Variants in KCNIP1 observed in about 807,000 individuals in gnomAD.
KCNIP1 encodes the protein potassium voltage-gated channel interacting protein 1.
In KCNIP1, 18 loss-of-function variants were observed where a neutral mutation model predicts 33.0. The ratio of observed to expected loss-of-function variants is 0.55; its 90% CI spans 0.38 to 0.81. The LOEUF (loss-of-function observed/expected upper bound fraction) is 0.81. KCNIP1 is among the 30% of genes least tolerant of loss of function. KCNIP1 has a pLI of 0.00. For synonymous variants in KCNIP1, 93 were observed against 98.3 expected (o/e 0.95, Z 0.32); for missense variants, 238 against 271.6 (o/e 0.88, Z 0.87).
intron 1 of KCNIP1, among the ~76,000 whole-genome samples, chr5:170,610,684 T>A (rs752364493): frequency 4.6e-5 from 7 of 152,214 alleles, no homozygotes; most frequent in Non-Finnish European, 8.8e-5. Flanking sequence ...ATTTTATGTA[T>A]TCCATGGAGT....
chr5:170,734,725 C>T (rs998480798), intron 7 of KCNIP1, among the ~76,000 whole-genome samples: 1 of 152,190 alleles, frequency 6.6e-6, no homozygotes, highest in Non-Finnish European at 1.5e-5. Context: ...GGGAGAAGTT[C>T]CTAGCAGATA....
chr5:170,460,008 T>C (rs756043625), intron 1 of KCNIP1, among the ~76,000 whole-genome samples: 1 of 152,106 alleles, frequency 6.6e-6, no homozygotes, highest in Non-Finnish European at 1.5e-5. Context: ...ATGGGAGACA[T>C]TGCAACTGAA....
intron 1 of KCNIP1, among the ~76,000 whole-genome samples, chr5:170,676,429 A>T (rs1431242203): frequency 2.0e-5 from 3 of 152,224 alleles, no homozygotes; most frequent in African/African-American, 7.2e-5. Context: ...ACCATCTTGC[A>T]GTTAAATAAT....
At chr5:170,439,896 C>T (rs1755949552) in intron 1 of KCNIP1, among the ~76,000 whole-genome samples, 1 of 152,202 alleles carries the variant, frequency 6.6e-6, no homozygotes, top group African/African-American at 2.4e-5. Context: ...TTCCTTCATA[C>T]AACCGGGGTA....
chr5:170,407,342 A>C (rs1242686680), intron 1 of KCNIP1, among the ~76,000 whole-genome samples: 1 of 152,242 alleles, frequency 6.6e-6, no homozygotes, highest in African/African-American at 2.4e-5. Flanking sequence ...GAATGGGAGA[A>C]ACATTTATAG....
In KCNIP1 at chr5:170,519,100, A is replaced by G. The variant is rs561954654; in HGVS notation, c.61+14467A>G. 6.8e-4 allele frequency among the ~76,000 whole-genome samples: 104 copies of G among 152,188 alleles called. 1 individual carries two copies. The highest frequency in any genetic ancestry group is 3.4e-3 in the Middle Eastern group (1 of 294). On this transcript the variant is annotated intron_variant, in intron 1 of 7. Transcript: ENST00000328939. ...CTCGCACCAGCATTATAAGGTTCTC[A>G]TGGTTTTTAGGGGTGTGGCATATAG...
intron 1 of KCNIP1, among the ~76,000 whole-genome samples, chr5:170,637,657 C>T (rs1760341761): frequency 6.6e-6 from 1 of 152,186 alleles, no homozygotes; most frequent in South Asian, 2.1e-4. Flanking sequence ...CCACGAGGCT[C>T]ATTTTCCTTT....
chr5:170,553,191 A>G (rs1186655908), intron 1 of KCNIP1, among the ~76,000 whole-genome samples: 1 of 152,178 alleles, frequency 6.6e-6, no homozygotes, highest in Non-Finnish European at 1.5e-5. Flanking sequence ...CATGAGGGAC[A>G]CCTCTGTCGA....
rs563482959 is a variant in KCNIP1 at position 170,641,904 on chromosome 5, G to T, written c.62-76854G>T. ...GCTCAGAAGGCCCTCGTCCTCGGTG[G>T]CATGCAGCCTCGGCCATTTCCAAAC... is the stretch of plus-strand genomic sequence containing the variant. On this transcript the variant is annotated intron_variant, in intron 1 of 7. Coordinates refer to ENST00000328939, the MANE Select transcript of KCNIP1 (RefSeq NM_014592.4). Among the ~76,000 whole-genome samples, 10 of 152,292 alleles carry T rather than the reference G, an allele frequency of 6.6e-5. No homozygotes were observed. The South Asian group carries it at 1.9e-3, about 28-fold the overall frequency.
intron 1 of KCNIP1, among the ~76,000 whole-genome samples, chr5:170,716,990 C>T (rs948440949): frequency 6.6e-6 from 1 of 152,192 alleles, no homozygotes; most frequent in Non-Finnish European, 1.5e-5. Context: ...CCTTTCTTCA[C>T]TCAAGCCACC....
chr5:170,462,416 A>G (rs1218060949), intron 1 of KCNIP1, among the ~76,000 whole-genome samples: 1 of 152,230 alleles, frequency 6.6e-6, no homozygotes, highest in African/African-American at 2.4e-5. Context: ...ATGAAAATCA[A>G]AACCACAATG....
intron 1 of KCNIP1, among the ~76,000 whole-genome samples, chr5:170,450,978 C>T (rs551098225): frequency 4.6e-5 from 7 of 152,040 alleles, no homozygotes; most frequent in African/African-American, 1.7e-4. Flanking sequence ...GTGCGATTAC[C>T]GAGAGCATGG....
intron 1 of KCNIP1, among the ~76,000 whole-genome samples, chr5:170,526,644 C>G (rs1340066624): frequency 6.6e-6 from 1 of 151,916 alleles, no homozygotes; most frequent in Non-Finnish European, 1.5e-5. Context: ...TCTTATCCCC[C>G]TGCCTTTGCT....
intron 1 of KCNIP1, among the ~76,000 whole-genome samples, chr5:170,580,455 C>A (rs571270371): frequency 1.8e-4 from 28 of 152,272 alleles, no homozygotes; most frequent in African/African-American, 6.7e-4. Flanking sequence ...TCCAAGAAGT[C>A]TTTTGTGCAA....
chr5:170,718,941 C>T (rs1219870330), intron 2 of KCNIP1, 59 bp downstream of exon 2: 68 of 1,571,422 alleles, frequency 4.3e-5, no homozygotes, highest in Non-Finnish European at 5.7e-5. Flanking sequence ...GCTACACTCT[C>T]CCCAATGCCA....
At chr5:170,487,539 T>A (rs1581236036) in intron 1 of KCNIP1, among the ~76,000 whole-genome samples, 1 of 145,580 alleles carries the variant, frequency 6.9e-6, no homozygotes, top group Non-Finnish European at 1.5e-5. Flanking sequence ...TTTTTTTTTT[T>A]AAGACAGGGT....
At chr5:170,378,448 G>T (rs960301528) in intron 1 of KCNIP1, 3 of 468,512 alleles carry the variant, frequency 6.4e-6, no homozygotes, top group African/African-American at 5.9e-5. Flanking sequence ...GTTGAGTGGG[G>T]ACAGGTAATA....
chr5:170,649,491 C>G (rs1163434307), intron 1 of KCNIP1, among the ~76,000 whole-genome samples: 4 of 152,088 alleles, frequency 2.6e-5, no homozygotes, highest in Admixed American at 6.5e-5. Flanking sequence ...TCCAGCCATG[C>G]TCTGCTCCCC....
At chr5:170,405,922 C>A (rs1755028301) in intron 1 of KCNIP1, among the ~76,000 whole-genome samples, 1 of 152,164 alleles carries the variant, frequency 6.6e-6, no homozygotes, top group African/African-American at 2.4e-5. Context: ...GTGTGATTGG[C>A]AACACCAAGA....
Sources: allele counts gnomAD v4.1 joint callset (sites outside exome capture counted in the v4.1 genomes callset), GRCh38; gene constraint gnomAD v4.1.1; transcripts MANE v1.5; gene names NCBI Gene and HGNC (gene_info 2026-07-23, HGNC 2026-07-21).